Variants in SYNE1 observed in about 807,000 individuals in gnomAD.
SYNE1 encodes the protein nesprin-1.
A neutral mutation model predicts 1,111.0 loss-of-function variants in SYNE1; 616 were observed. That is an observed-to-expected ratio of 0.55 (90% CI 0.52 to 0.59). The LOEUF (loss-of-function observed/expected upper bound fraction) is 0.59, where lower values mean the gene tolerates loss of function less well. Among genes scored for constraint, SYNE1 ranks in the 20% least tolerant of loss-of-function variants. SYNE1 has a pLI of 0.00. For synonymous variants in SYNE1, 3,855 were observed against 3,825.8 expected (o/e 1.01, Z -0.28); for missense variants, 10,006 against 10,417.0 (o/e 0.96, Z 1.72).
intron 140 of SYNE1, among the ~76,000 whole-genome samples, chr6:152,138,699 C>T (rs2152773587): frequency 6.6e-6 from 1 of 152,162 alleles, no homozygotes; most frequent in Non-Finnish European, 1.5e-5. Context: ...TAGGTGGCCA[C>T]ATTTTGAGGA....
intron 41 of SYNE1, 130 bp from the exon 42 acceptor site, chr6:152,413,661 T>C: frequency 1.1e-6 from 1 of 911,004 alleles, no homozygotes; most frequent in Non-Finnish European, 1.7e-6. Context: ...ACACAGAAAT[T>C]AAATTAATGT....
chr6:152,223,472 T>C (rs6906611), intron 117 of SYNE1, among the ~76,000 whole-genome samples: 18,924 of 151,852 alleles, frequency 0.12, 2,048 homozygotes, highest in African/African-American at 0.29. Flanking sequence ...ATACAAAAAT[T>C]AGCCAGGCAT....
At chr6:152,394,619 AT>A (rs1031565444) in intron 51 of SYNE1, among the ~76,000 whole-genome samples, 3 of 152,178 alleles carry the variant, frequency 2.0e-5, no homozygotes, top group Non-Finnish European at 4.4e-5. Context: ...CAATGAAGAA[AT>A]AAATACTGTA....
intron 21 of SYNE1, among the ~76,000 whole-genome samples, chr6:152,460,953 T>C (rs1015214424): frequency 4.0e-5 from 6 of 151,680 alleles, no homozygotes; most frequent in African/African-American, 1.5e-4. Context: ...GCTGGGATTA[T>C]AGGTGCACGA....
intron 9 of SYNE1, among the ~76,000 whole-genome samples, chr6:152,503,589 C>CA (rs2099041720): frequency 6.6e-6 from 1 of 152,086 alleles, no homozygotes; most frequent in Non-Finnish European, 1.5e-5. Flanking sequence ...GAGCAGAAAG[C>CA]AAACCAAATT....
In SYNE1 at chr6:152,536,423, T is replaced by A. The variant is rs1351820308; in HGVS notation, c.129+3537A>T. Among the ~76,000 whole-genome samples the A allele has an allele frequency of 6.7e-5, 9 of 133,614 alleles. No individual in the cohort carries two copies. The East Asian group carries it at 8.1e-4, about 12-fold the overall frequency. The allele number at this position is 133,614 out of a possible 152,430, so 87.7% of individuals were successfully genotyped here. On this transcript the variant is annotated intron_variant, in intron 4 of 145. Transcript: ENST00000367255. The stretch of plus-strand genomic sequence containing the variant: ...ATACTATATATAGTAATATATATAT[T>A]TATATATATAACTATATATAGTAAT...
At chr6:152,236,043 G>T in intron 110 of SYNE1, 64 bp downstream of exon 110, 2 of 1,540,644 alleles carry the variant, frequency 1.3e-6, no homozygotes, top group East Asian at 2.3e-5. Flanking sequence ...TCCCCCACCC[G>T]CACTAGCCTT....
chr6:152,477,630 T>A (rs2098842792), intron 14 of SYNE1, among the ~76,000 whole-genome samples: 1 of 150,566 alleles, frequency 6.6e-6, no homozygotes, highest in South Asian at 2.1e-4. Flanking sequence ...TTTTTATATT[T>A]ATTACCTTTA....
At chr6:152,363,054 T>C (rs2096963052) in intron 63 of SYNE1, among the ~76,000 whole-genome samples, 1 of 151,436 alleles carries the variant, frequency 6.6e-6, no homozygotes, top group Non-Finnish European at 1.5e-5. Flanking sequence ...CTAATTTTTT[T>C]GTACTTTTGG....
At position 152,189,308 on chromosome 6, in the gene SYNE1, T is replaced by C. The variant is rs1440661504; in HGVS notation, c.23245A>G (p.Ile7749Val). Residue 7749 changes from isoleucine (I) to valine (V), a missense_variant, in exon 128 of 146, where the codon ATT (isoleucine) becomes GTT (valine). Physicochemically the swap from Ile to Val is conservative, Grantham distance 29. Transcript: ENST00000367255. ...SAYISADDIS[I>V]LNERVELLQR... ...AGAAGCTCTACGCGTTCATTAAGAA[T>C]GGAGATATCATCAGCACTGATATAG... The C allele has an allele frequency of 1.9e-6, 3 of 1,613,974 alleles. No homozygotes were observed. Among genetic ancestry groups the C allele is most frequent in the African/African-American group, 1.3e-5 (1 of 74,908 alleles).
intron 131 of SYNE1, among the ~76,000 whole-genome samples, chr6:152,156,815 T>C (rs931267098): frequency 1.3e-5 from 2 of 152,118 alleles, no homozygotes; most frequent in Admixed American, 1.3e-4. Context: ...GAACTGGGCT[T>C]TAAGATCCAA....
intron 139 of SYNE1, among the ~76,000 whole-genome samples, 190 bp downstream of exon 139, chr6:152,141,013 C>G (rs1427510234): frequency 6.6e-6 from 1 of 150,504 alleles, no homozygotes; most frequent in African/African-American, 2.5e-5. Context: ...CCAGCCTGGG[C>G]GACAGAGCGC....
In SYNE1 at chr6:152,230,630, A is replaced by G. The variant is rs772644444; in HGVS notation, c.21112T>C (p.Phe7038Leu). The change falls in exon 115 of 146, where the codon TTT becomes CTT. Residue 7038 changes from phenylalanine (F) to leucine (L), a missense_variant. Phe to Leu is a conservative substitution (Grantham distance 22). This residue lies in a region of SYNE1 where 2,182 missense variants were observed against 2,287.8 expected (regional missense o/e 0.95). Coordinates refer to ENST00000367255, the MANE Select transcript of SYNE1 (RefSeq NM_182961.4). ...ENNVQCLKTWFETQEKRLKQQ... is the reference protein window; with the variant it reads ...ENNVQCLKTWLETQEKRLKQQ... Reference sequence around the variant, plus strand: ...TTTAGTCTCTTTTCCTGGGTTTCAAACCATGTTTTCAGACATTGTACATTA... The same window carrying G: ...TTTAGTCTCTTTTCCTGGGTTTCAAGCCATGTTTTCAGACATTGTACATTA... 2 of 1,614,058 alleles carry G rather than the reference A, an allele frequency of 1.2e-6. No homozygotes were observed. Among genetic ancestry groups the G allele is most frequent in the East Asian group, 2.2e-5 (1 of 44,854 alleles).
chr6:152,462,704 G>A (rs1364995455), intron 20 of SYNE1, 34 bp downstream of exon 20: 7 of 1,613,196 alleles, frequency 4.3e-6, no homozygotes, highest in Non-Finnish European at 5.9e-6. Context: ...TCACAACAGA[G>A]TAGGCTTTTC....
At chr6:152,439,087 G>A (rs903918037) in intron 32 of SYNE1, among the ~76,000 whole-genome samples, 4 of 152,168 alleles carry the variant, frequency 2.6e-5, no homozygotes, top group Admixed American at 1.3e-4. Context: ...GATTAAAGGC[G>A]ATGATAAACA....
In SYNE1 at chr6:152,450,814, C is replaced by T; in HGVS notation, c.3206G>A (p.Gly1069Asp). Reference protein sequence around the residue: ...KEHRVFFSDKGPHHLCEKRLQ... With the variant: ...KEHRVFFSDKDPHHLCEKRLQ... The stretch of plus-strand genomic sequence containing the variant: ...CCTTTTCTCACAGAGATGATGAGGA[C>T]CTTTGTCACTGAAGAAAACCTAATG... Residue 1069 changes from glycine to aspartate, a missense_variant, in exon 27 of 146, where the codon GGT becomes GAT. Gly to Asp is a moderately conservative substitution (Grantham distance 94). Transcript: ENST00000367255. The T allele has an allele frequency of 6.2e-7, 1 of 1,614,058 alleles. No individual in the cohort carries two copies. The highest frequency in any genetic ancestry group is 8.5e-7 in the Non-Finnish European group (1 of 1,180,030).
At chr6:152,605,672 A>T (rs1583302276) in intron 3 of SYNE1, among the ~76,000 whole-genome samples, 1 of 152,316 alleles carries the variant, frequency 6.6e-6, no homozygotes, top group East Asian at 1.9e-4. Flanking sequence ...AACTGAGCCA[A>T]TTAAAACCAA....
chr6:152,512,595 A>G (rs971644482), intron 6 of SYNE1, among the ~76,000 whole-genome samples: 1 of 152,190 alleles, frequency 6.6e-6, no homozygotes, highest in African/African-American at 2.4e-5. Flanking sequence ...AAAAAGTGCT[A>G]TTGAATATAA....
rs567465110 is a variant in SYNE1, at chr6:152,464,365, T to C, written c.1933-848A>G. On this transcript the variant is annotated intron_variant, in intron 18 of 145. Transcript: ENST00000367255. ...ATAAATAGATTAGAACACTTCTGTTTCTGGTGGTTATATTTCTTTTGATCA... is the reference window on the plus strand; with the variant it reads ...ATAAATAGATTAGAACACTTCTGTTCCTGGTGGTTATATTTCTTTTGATCA... Among the ~76,000 whole-genome samples, 13 of 152,288 alleles carry C rather than the reference T, an allele frequency of 8.5e-5. No homozygotes were observed. In the East Asian group the frequency reaches 2.5e-3, roughly 29 times the overall value.
Sources: allele counts gnomAD v4.1 joint callset (sites outside exome capture counted in the v4.1 genomes callset), GRCh38; gene constraint gnomAD v4.1.1; regional missense constraint gnomAD v4.1.1; transcripts MANE v1.5; gene names NCBI Gene and HGNC (gene_info 2026-07-23, HGNC 2026-07-21).